G3BP2: variants seen among roughly 807,000 people sequenced by gnomAD.
G3BP2 encodes G3BP stress granule assembly factor 2.
Under a neutral mutation model 56.7 loss-of-function variants are expected in G3BP2, and 11 were observed. That is an observed-to-expected ratio of 0.19 (90% CI 0.12 to 0.32). The LOEUF (loss-of-function observed/expected upper bound fraction) is 0.32, where lower values mean the gene tolerates loss of function less well. Among genes scored for constraint, G3BP2 ranks in the 10% least tolerant of loss-of-function variants. The probability of loss-of-function intolerance (pLI) is 1.00; values close to 1 mark genes in which losing one functional copy is unlikely to be tolerated. For missense variants in G3BP2, 340 were observed against 610.9 expected, an observed-to-expected ratio of 0.56 and a Z score of 4.67; for synonymous variants, 165 against 191.6, an observed-to-expected ratio of 0.86 and a Z score of 1.15.
At chr4:75,661,464 T>C (rs1315553880) in intron 2 of G3BP2, 1 of 141,268 alleles carries the variant, frequency 7.1e-6, no homozygotes, top group African/African-American at 2.8e-5. Flanking sequence ...CTCCAGCACC[T>C]GCCCCCAAAG....
intron 3 of G3BP2, among the ~76,000 whole-genome samples, chr4:75,691,356 C>T (rs192457003): frequency 2.0e-5 from 3 of 152,036 alleles, no homozygotes; most frequent in African/African-American, 4.8e-5. Context: ...CTGGGATTAC[C>T]GGTTGTGAGC....
chr4:75,654,927 A>T (rs527713147), intron 7 of G3BP2, 139 bp downstream of exon 7: 3 of 640,480 alleles, frequency 4.7e-6, no homozygotes, highest in Middle Eastern at 4.3e-4. Flanking sequence ...CTCAGGTAAC[A>T]AACAAACCCC....
In G3BP2 at chr4:75,655,101, C is replaced by T. The variant is rs1170517222; in HGVS notation, c.691G>A (p.Ala231Thr). The T allele has an allele frequency of 6.2e-7, 1 of 1,613,258 alleles. No homozygotes were observed. The highest frequency in any genetic ancestry group is 1.7e-5 in the Admixed American group (1 of 59,866). ...TCTTGTGGCAGAGAAACAGGTTCTG[C>T]CGGAGGAGGAGTAGTAGATTTCTCC... Reference protein sequence around the residue: ...LEEKSTTPPPAEPVSLPQEPP... With the variant: ...LEEKSTTPPPTEPVSLPQEPP... The change falls in exon 7 of 12, where the codon GCA (alanine) becomes ACA (threonine). Residue 231 changes from alanine (A) to threonine (T), a missense_variant. Transcript: ENST00000359707.
chr4:75,646,329 A>G lies in G3BP2; in HGVS notation c.1176+9T>C, dbSNP rs749154061. ...TAAAGTCTTGAATTATGCCCTTTAA[A>G]TCACTTACTTTTGCAATTAAGATTC... On this transcript the variant is annotated intron_variant, in intron 11 of 11. Coordinates refer to ENST00000359707, the MANE Select transcript of G3BP2 (RefSeq NM_203505.3). The G allele has an allele frequency of 4.1e-6, 5 of 1,206,622 alleles. No individual in the cohort carries two copies. The highest frequency in any genetic ancestry group is 6.1e-6 in the Non-Finnish European group (5 of 823,416). 74.7% of individuals were successfully genotyped at this position (1,206,622 alleles called of 1,614,324 possible).
chr4:75,719,347 CAAAA>C (rs55689229), intron 3 of G3BP2, among the ~76,000 whole-genome samples: 42 of 86,966 alleles, frequency 4.8e-4, no homozygotes, highest in African/African-American at 1.6e-3. Flanking sequence ...GACTCCGTCT[CAAAA>C]AAAAAAAAAA....
rs1560623829 is a variant in G3BP2 at position 75,665,643 on chromosome 4, AAACACACAAACAAACACAC to A, written c.-24-3613_-24-3595del. Among the ~76,000 whole-genome samples the A allele has an allele frequency of 4.4e-3, 141 of 32,128 alleles. 2 individuals are homozygous for A. Among genetic ancestry groups the A allele is most frequent in the East Asian group, 0.024 (15 of 628 alleles). The allele number at this position is 32,128 out of a possible 152,430, so 21.1% of individuals were successfully genotyped here. A position where few individuals can be genotyped will look rare whatever the true frequency, so the allele number is the denominator to read the frequency against. ...AACACACAAACACACACACACACACAAACACACAAACAAACACACACACACACACACACACACACACAGC... is the reference window on the plus strand; with the variant it reads ...AACACACAAACACACACACACACACAACACACACACACACACACACACAGC... On this transcript the variant is annotated intron_variant, in intron 1 of 11. Transcript: ENST00000359707.
intron 1 of G3BP2, among the ~76,000 whole-genome samples, chr4:75,665,533 C>T (rs531896707): frequency 1.3e-5 from 2 of 151,964 alleles, no homozygotes; most frequent in Non-Finnish European, 2.9e-5. Context: ...ACTGCTTGAG[C>T]TTAGGAGCTG....
At chr4:75,671,839 T>C (rs147535857) in intron 1 of G3BP2, among the ~76,000 whole-genome samples, 51 of 152,340 alleles carry the variant, frequency 3.3e-4, no homozygotes, top group African/African-American at 1.2e-3. Context: ...CCAGGAATCT[T>C]GGATTATCAA....
chr4:75,655,275 A>C, intron 6 of G3BP2, 29 bp from the exon 7 acceptor site: 1 of 1,519,418 alleles, frequency 6.6e-7, no homozygotes, highest in Non-Finnish European at 9.1e-7. Context: ...TTCACTTTTT[A>C]GTAGGAGTTC....
chr4:75,700,939 A>G (rs1407944378), intron 3 of G3BP2, among the ~76,000 whole-genome samples: 2 of 151,888 alleles, frequency 1.3e-5, no homozygotes, highest in Middle Eastern at 3.2e-3. Flanking sequence ...ACTGGGTTCA[A>G]GCGATTCTCC....
chr4:75,680,940 C>T (rs917437323), intron 3 of G3BP2, among the ~76,000 whole-genome samples: 1 of 150,548 alleles, frequency 6.6e-6, no homozygotes, highest in African/African-American at 2.5e-5. Flanking sequence ...TGCATTCCAC[C>T]CTGGCGACAG....
intron 3 of G3BP2, among the ~76,000 whole-genome samples, chr4:75,716,573 TGGC>T (rs1719936220): frequency 6.6e-6 from 1 of 152,094 alleles, no homozygotes; most frequent in Admixed American, 6.5e-5. Context: ...TGGAGTGCAG[TGGC>T]GCGATCTCGG....
intron 1 of G3BP2, among the ~76,000 whole-genome samples, chr4:75,666,774 C>T (rs1470559067): frequency 3.9e-5 from 6 of 152,270 alleles, no homozygotes; most frequent in African/African-American, 1.2e-4. Context: ...TTATTCATAG[C>T]AAATCATCTT....
At chr4:75,671,327 G>A (rs570227769) in intron 1 of G3BP2, among the ~76,000 whole-genome samples, 1 of 152,294 alleles carries the variant, frequency 6.6e-6, no homozygotes, top group African/African-American at 2.4e-5. Flanking sequence ...GGGGGAAAAT[G>A]TTCAATCCTA....
chr4:75,714,302 C>T (rs1400729333), intron 3 of G3BP2, among the ~76,000 whole-genome samples: 1 of 152,152 alleles, frequency 6.6e-6, no homozygotes, highest in Non-Finnish European at 1.5e-5. Context: ...ATTCCTCTCA[C>T]ATATTCAGGG....
At chr4:75,692,049 C>A (rs1718880377) in intron 3 of G3BP2, among the ~76,000 whole-genome samples, 1 of 152,152 alleles carries the variant, frequency 6.6e-6, no homozygotes, top group African/African-American at 2.4e-5. Flanking sequence ...ATACCTAGGG[C>A]ATATTAGGTT....
chr4:75,697,180 A>G (rs1045172022), intron 3 of G3BP2, among the ~76,000 whole-genome samples: 1 of 148,676 alleles, frequency 6.7e-6, no homozygotes, highest in African/African-American at 2.5e-5. Context: ...AGGCTGAGGC[A>G]GGAGAATGGC....
intron 3 of G3BP2, among the ~76,000 whole-genome samples, chr4:75,717,644 C>A (rs59278372): frequency 0.039 from 5,882 of 152,252 alleles, 125 homozygotes; most frequent in Non-Finnish European, 0.05. Flanking sequence ...TCACCCAATG[C>A]GAACTTCAAA....
At chr4:75,720,063 C>T (rs1006757130) in intron 3 of G3BP2, among the ~76,000 whole-genome samples, 25 of 130,068 alleles carry the variant, frequency 1.9e-4, no homozygotes, top group Admixed American at 6.4e-4. Flanking sequence ...GTCACCTGGG[C>T]TGGAGTGCAG....
Sources: gnomAD v4.1 joint callset for allele counts (sites outside exome capture counted in the v4.1 genomes callset) on GRCh38, gnomAD v4.1.1 for gene constraint, MANE v1.5 for transcripts, NCBI Gene and HGNC (gene_info 2026-07-23, HGNC 2026-07-21) for gene names.